Variants in MAPK13 observed in about 807,000 individuals in gnomAD.
The protein encoded by MAPK13 is mitogen-activated protein kinase 13.
MAPK13 carries 39 observed loss-of-function variants against 53.5 expected under a neutral mutation model. The observed-to-expected ratio is 0.73, with a 90% CI of 0.56 to 0.95. MAPK13 has a LOEUF of 0.95. Ranked by LOEUF, MAPK13 falls within the 40% of genes least tolerant of loss-of-function variation. The pLI is 0.00. For synonymous variants in MAPK13, 179 were observed against 190.9 expected (o/e 0.94, Z 0.51); for missense variants, 460 against 471.8 (o/e 0.98, Z 0.23).
In MAPK13 at chr6:36,136,660, T is replaced by C. The variant is rs772469045; in HGVS notation, c.500T>C (p.Leu167Pro). 6.2e-7 allele frequency: 1 copy of C among 1,613,804 alleles called. No individual in the cohort carries two copies. The highest frequency in any genetic ancestry group is 8.5e-7 in the Non-Finnish European group (1 of 1,179,834). The change falls in exon 7 of 12, where the codon CTG becomes CCG. Residue 167 changes from leucine to proline, a missense_variant. Leu to Pro is a moderately conservative substitution (Grantham distance 98). Transcript: ENST00000211287. ...TATTTATCCCCTGTGCCATAGATTC[T>C]GGATTTTGGGCTGGCGCGACATGCA... Reference protein sequence around the residue: ...AVNEDCELKILDFGLARHADA... With the variant: ...AVNEDCELKIPDFGLARHADA...
intron 3 of MAPK13, among the ~76,000 whole-genome samples, chr6:36,134,368 T>C (rs1231610888): frequency 1.3e-5 from 2 of 152,094 alleles, no homozygotes; most frequent in Admixed American, 6.5e-5. Flanking sequence ...TACATAATTG[T>C]TTAAGGTAAC....
chr6:36,135,154 A>C (rs1766391655), intron 3 of MAPK13, among the ~76,000 whole-genome samples: 1 of 152,122 alleles, frequency 6.6e-6, no homozygotes, highest in South Asian at 2.1e-4. Context: ...CTATTTTATA[A>C]TTTTTATTAT....
At chr6:36,133,091 G>A (rs1317099075) in intron 3 of MAPK13, among the ~76,000 whole-genome samples, 5 of 152,230 alleles carry the variant, frequency 3.3e-5, no homozygotes, top group African/African-American at 1.2e-4. Context: ...TGGCTGATGG[G>A]GGTGTTTGAC....
chr6:36,131,224 C>T, intron 1 of MAPK13, 47 bp from the exon 2 acceptor site: 1 of 1,584,040 alleles, frequency 6.3e-7, no homozygotes, highest in South Asian at 1.1e-5. Flanking sequence ...CTGGGAGATA[C>T]GGCCCAGGAG....
chr6:36,138,460 G>C lies in MAPK13; in HGVS notation c.762+16G>C, dbSNP rs181586702. ...CGACAAAGCGGTGGGTGGTAAATGGGACCTAGGCTGGCCTGGGCTGTGTGC... is the reference window on the plus strand; with the variant it reads ...CGACAAAGCGGTGGGTGGTAAATGGCACCTAGGCTGGCCTGGGCTGTGTGC... On this transcript the variant is annotated intron_variant, in intron 9 of 11. Transcript: ENST00000211287. 8 of 1,612,408 alleles carry C rather than the reference G, an allele frequency of 5.0e-6. No homozygotes were observed. The African/African-American group carries it at 8.0e-5, about 16-fold the overall frequency.
intron 1 of MAPK13, 130 bp from the exon 2 acceptor site, chr6:36,131,134 TCCCGCGG>T (rs1283275005): frequency 4.9e-6 from 5 of 1,023,456 alleles, no homozygotes; most frequent in Non-Finnish European, 6.8e-6. Flanking sequence ...CTGCCCTGCG[TCCCGCGG>T]CTCCCCCATA....
Position 36,135,648 on chromosome 6 carries a change from G to A in MAPK13, c.309-105G>A. The A allele has an allele frequency of 7.0e-6, 5 of 715,588 alleles. 1 individual carries two copies. In the Middle Eastern group the frequency reaches 1.5e-3, roughly 221 times the overall value. 44.3% of individuals were successfully genotyped at this position (715,588 alleles called of 1,614,324 possible). A position where few individuals can be genotyped will look rare whatever the true frequency, so the allele number is the denominator to read the frequency against. On this transcript the variant is annotated intron_variant, in intron 3 of 11. Transcript: ENST00000211287. ...TGGAGTTGAGTTTTTGCACACTGGA[G>A]GGTGTCTCTATGACCCCTGTTCTGC...
At chr6:36,132,722 A>T in intron 3 of MAPK13, 43 bp downstream of exon 3, 1 of 1,606,940 alleles carries the variant, frequency 6.2e-7, no homozygotes, top group Non-Finnish European at 8.5e-7. Context: ...TGCAGGCCTT[A>T]CATGCCGCTG....
chr6:36,137,276 G>A (rs575760007), intron 8 of MAPK13, among the ~76,000 whole-genome samples: 1 of 152,224 alleles, frequency 6.6e-6, no homozygotes. Context: ...AGCACTCTGG[G>A]AGGCTGAGGC....
intron 2 of MAPK13, among the ~76,000 whole-genome samples, chr6:36,132,418 T>C (rs751558690): frequency 1.3e-4 from 20 of 152,238 alleles, no homozygotes; most frequent in Non-Finnish European, 2.8e-4. Context: ...TCTGTCATGA[T>C]TTATTGCAAA....
chr6:36,134,061 C>T (rs571036516), intron 3 of MAPK13, among the ~76,000 whole-genome samples: 1 of 152,046 alleles, frequency 6.6e-6, no homozygotes, highest in Non-Finnish European at 1.5e-5. Context: ...GAGTGTGGAC[C>T]GCCCTTTCTA....
In MAPK13 at chr6:36,131,335, TC is replaced by T; in HGVS notation, c.186del (p.Glu63ArgfsTer14). On this transcript the variant is annotated frameshift_variant, in exon 2 of 12. Coordinates refer to ENST00000211287, the MANE Select transcript of MAPK13 (RefSeq NM_002754.5). LOFTEE classifies it high-confidence loss of function. ...CAAGAAGCTGAGCCGACCCTTTCAG[TC>T]CGAGATCTTCGCCAAGCGCGCCTAC... Reference protein sequence around the residue: ...AIKKLSRPFQSEIFAKRAYRE... With the variant: ...AIKKLSRPFQXEIFAKRAYRE... 1 of 1,613,642 alleles carries T rather than the reference TC, an allele frequency of 6.2e-7. No individual in the cohort carries two copies. Among genetic ancestry groups the T allele is most frequent in the Non-Finnish European group, 8.5e-7 (1 of 1,179,872 alleles).
intron 9 of MAPK13, 125 bp downstream of exon 9, chr6:36,138,569 C>T (rs1350157747): frequency 4.5e-5 from 57 of 1,258,642 alleles, no homozygotes; most frequent in Non-Finnish European, 1.3e-5. Flanking sequence ...CCTACCCTGG[C>T]AGGCACTCTT....
At position 36,138,774 on chromosome 6, in the gene MAPK13, C is replaced by A; in HGVS notation, c.835C>A (p.Pro279Thr). ...DFTQLFPRAS[P>T]QAADLLEKML... ...CACTCAGCTGTTCCCACGGGCCAGC[C>A]CCCAGGGTGAGTCTCAGAGCCCGCT... The change falls in exon 10 of 12, where the codon CCC (proline) becomes ACC (threonine). Residue 279 changes from proline (P) to threonine (T), a missense_variant. Pro to Thr is a conservative substitution (Grantham distance 38). Coordinates refer to ENST00000211287, the MANE Select transcript of MAPK13 (RefSeq NM_002754.5). The A allele has an allele frequency of 6.2e-7, 1 of 1,614,152 alleles. No individual in the cohort carries two copies. Among genetic ancestry groups the A allele is most frequent in the East Asian group, 2.2e-5 (1 of 44,878 alleles).
At position 36,139,781 on chromosome 6, in the gene MAPK13, G is replaced by A. The variant is rs1766497583; in HGVS notation, c.*408G>A. 1 of 176,750 alleles carries A rather than the reference G, an allele frequency of 5.7e-6. No homozygotes were observed. Among genetic ancestry groups the A allele is most frequent in the Non-Finnish European group, 1.2e-5 (1 of 82,878 alleles). 10.9% of individuals were successfully genotyped at this position (176,750 alleles called of 1,614,324 possible). On this transcript the variant is annotated 3_prime_UTR_variant, in exon 12 of 12. Coordinates refer to ENST00000211287, the MANE Select transcript of MAPK13 (RefSeq NM_002754.5). ...TACAGTTCTGGAGGCTGGAAATCTG[G>A]GATGGAGGTGTTGGCAGGGCTGTGG... is the stretch of plus-strand genomic sequence containing the variant.
In MAPK13 at chr6:36,130,720, T is replaced by TGGGGGTC. The variant is rs146539855; in HGVS notation, c.119+24_119+25insTCGGGGG. 139 of 669,614 alleles carry TGGGGGTC rather than the reference T, an allele frequency of 2.1e-4. 1 individual carries two copies. The South Asian group carries it at 2.4e-3, about 12-fold the overall frequency. The allele number at this position is 669,614 out of a possible 1,614,324, so 41.5% of individuals were successfully genotyped here. ...CCGTGTGGTGAGACCCCTGGGCCGC[T>TGGGGGTC]GGGGGGCGGGGGGCGGGCGCCAGGC... is the stretch of plus-strand genomic sequence containing the variant. On this transcript the variant is annotated intron_variant, in intron 1 of 11. Coordinates refer to ENST00000211287, the MANE Select transcript of MAPK13 (RefSeq NM_002754.5). The surrounding 1 kb of genome is among the most constrained non-coding windows in gnomAD (Gnocchi z 4.5).
At position 36,144,253 on chromosome 6, in the gene MAPK13, T is replaced by A. The variant is rs531393323; in HGVS notation, c.*4880T>A. Reference sequence around the variant, plus strand: ...TATTTATATACAGTTGTCAAAATATTTTTAAAATGTATAACGTGATACTAT... The same window carrying A: ...TATTTATATACAGTTGTCAAAATATATTTAAAATGTATAACGTGATACTAT... On this transcript the variant is annotated 3_prime_UTR_variant, in exon 12 of 12. Transcript: ENST00000211287. 1 of 152,326 alleles carries A rather than the reference T, an allele frequency of 6.6e-6. No homozygotes were observed. Among genetic ancestry groups the A allele is most frequent in the South Asian group, 2.1e-4 (1 of 4,828 alleles). The allele number at this position is 152,326 out of a possible 1,614,324, so 9.4% of individuals were successfully genotyped here.
Position 36,139,498 on chromosome 6 carries a change from G to T in MAPK13, c.*125G>T, listed in dbSNP as rs78372817. The T allele has an allele frequency of 4.2e-4, 307 of 731,556 alleles. 1 individual carries two copies. In the African/African-American group the frequency reaches 4.8e-3, roughly 12 times the overall value. The allele number at this position is 731,556 out of a possible 1,614,324, so 45.3% of individuals were successfully genotyped here. A position where few individuals can be genotyped will look rare whatever the true frequency, so the allele number is the denominator to read the frequency against. On this transcript the variant is annotated 3_prime_UTR_variant, in exon 12 of 12. Coordinates refer to ENST00000211287, the MANE Select transcript of MAPK13 (RefSeq NM_002754.5). ...AGGACAGAAGGGTCCTTCTCCTTAT[G>T]TGGGAAATGGGCCTAGTAGATGCAG...
In MAPK13 at chr6:36,139,495, T is replaced by G. The variant is rs949267237; in HGVS notation, c.*122T>G. The stretch of plus-strand genomic sequence containing the variant: ...CAGAGGACAGAAGGGTCCTTCTCCT[T>G]ATGTGGGAAATGGGCCTAGTAGATG... On this transcript the variant is annotated 3_prime_UTR_variant, in exon 12 of 12. Coordinates refer to ENST00000211287, the MANE Select transcript of MAPK13 (RefSeq NM_002754.5). 3 of 763,090 alleles carry G rather than the reference T, an allele frequency of 3.9e-6. No individual in the cohort carries two copies. The African/African-American group carries it at 5.2e-5, about 13-fold the overall frequency. 47.3% of individuals were successfully genotyped at this position (763,090 alleles called of 1,614,324 possible).
Sources: allele counts gnomAD v4.1 joint callset (sites outside exome capture counted in the v4.1 genomes callset), GRCh38; gene constraint gnomAD v4.1.1; non-coding constraint Gnocchi (gnomAD v3.1); transcripts MANE v1.5; gene names NCBI Gene and HGNC (gene_info 2026-07-23, HGNC 2026-07-21).